Variants in TSGA10 observed in about 807,000 individuals in gnomAD.
TSGA10 encodes testis-specific gene 10 protein.
TSGA10 carries 43 observed loss-of-function variants against 96.6 expected under a neutral mutation model. The ratio of observed to expected loss-of-function variants is 0.44; its 90% confidence interval spans 0.35 to 0.57. TSGA10 has a LOEUF of 0.57. Among genes scored for constraint, TSGA10 ranks in the 20% least tolerant of loss-of-function variants. The pLI, the probability that TSGA10 is intolerant of heterozygous loss-of-function variation, is 0.01. For missense variants in TSGA10, 703 were observed against 834.4 expected (o/e 0.84, Z 1.94); for synonymous variants, 229 against 269.9 (o/e 0.85, Z 1.48).
At chr2:99,081,456 G>T in intron 10 of TSGA10, 59 bp from the exon 11 acceptor site, 1 of 899,346 alleles carries the variant, frequency 1.1e-6, no homozygotes, top group Admixed American at 2.7e-5. Flanking sequence ...ATCTTGTAGT[G>T]TGTTTAAATC....
chr2:99,063,441 G>A (rs1489671236), intron 16 of TSGA10, among the ~76,000 whole-genome samples: 1 of 152,120 alleles, frequency 6.6e-6, no homozygotes, highest in South Asian at 2.1e-4. Context: ...ACAAGCCACA[G>A]ACAAGGACAA....
chr2:99,009,838 G>T (rs1448142466), intron 20 of TSGA10, among the ~76,000 whole-genome samples: 1 of 152,306 alleles, frequency 6.6e-6, no homozygotes, highest in East Asian at 1.9e-4. Context: ...CTGTGAGTGT[G>T]TGTGCAAGTG....
At chr2:99,051,025 C>G (rs994005281) in intron 16 of TSGA10, among the ~76,000 whole-genome samples, 2 of 152,074 alleles carry the variant, frequency 1.3e-5, no homozygotes, top group Non-Finnish European at 2.9e-5. Flanking sequence ...TCCATATAGC[C>G]TAGGTGTTAG....
At chr2:99,136,009 C>CAA (rs56120844) in intron 1 of TSGA10, among the ~76,000 whole-genome samples, 1 of 125,764 alleles carries the variant, frequency 8.0e-6, no homozygotes, top group Admixed American at 8.6e-5. Context: ...GACTTCGTAC[C>CAA]AAAAAAAAAA....
chr2:99,141,058 C>A (rs1452629691), intron 1 of TSGA10: 3 of 1,272,574 alleles, frequency 2.4e-6, no homozygotes, highest in East Asian at 6.1e-5. Context: ...ACTCTCCCCA[C>A]CCCGCGCACC....
At chr2:99,130,894 G>T (rs2093045736) in intron 1 of TSGA10, among the ~76,000 whole-genome samples, 1 of 152,118 alleles carries the variant, frequency 6.6e-6, no homozygotes, top group Non-Finnish European at 1.5e-5. Flanking sequence ...TTTCCCCATT[G>T]CTTGTTTTTG....
chr2:99,001,405 G>A (rs891064232), intron 20 of TSGA10, among the ~76,000 whole-genome samples: 1 of 152,142 alleles, frequency 6.6e-6, no homozygotes, highest in Non-Finnish European at 1.5e-5. Flanking sequence ...CTGTTAGAAG[G>A]AAAACTAACA....
At chr2:99,098,167 G>A (rs2090272797) in intron 10 of TSGA10, among the ~76,000 whole-genome samples, 1 of 152,166 alleles carries the variant, frequency 6.6e-6, no homozygotes, top group Non-Finnish European at 1.5e-5. Context: ...GCCGGGCACG[G>A]TGGCTCACAC....
At chr2:99,027,968 T>G (rs1188773920) in intron 17 of TSGA10, among the ~76,000 whole-genome samples, 1 of 152,236 alleles carries the variant, frequency 6.6e-6, no homozygotes, top group African/African-American at 2.4e-5. Context: ...TTTGTCTGGA[T>G]TGTTTCTATG....
intron 1 of TSGA10, among the ~76,000 whole-genome samples, chr2:99,138,913 A>G (rs191218923): frequency 1.3e-5 from 2 of 152,192 alleles, no homozygotes; most frequent in African/African-American, 4.8e-5. Flanking sequence ...AGCTGAGGTA[A>G]TAAGAGGAAA....
intron 10 of TSGA10, among the ~76,000 whole-genome samples, chr2:99,096,416 T>A (rs1263269711): frequency 6.6e-6 from 1 of 152,256 alleles, no homozygotes; most frequent in Admixed American, 6.5e-5. Context: ...TTTGCCAATG[T>A]CACGTCTACT....
Position 99,117,461 on chromosome 2 carries a change from G to A in TSGA10, c.-140+83C>T, listed in dbSNP as rs533057356. The A allele has an allele frequency of 2.2e-5, 13 of 580,642 alleles. No individual in the cohort carries two copies. The South Asian group carries it at 8.4e-4, about 38-fold the overall frequency. 36.0% of individuals were successfully genotyped at this position (580,642 alleles called of 1,614,324 possible). ...AAAAGCTTCCAAATTATACAAATGA[G>A]AATGCTACTTTTTCCATTGCATTTA... On this transcript the variant is annotated intron_variant, in intron 4 of 20. Coordinates refer to ENST00000393483, the MANE Select transcript of TSGA10 (RefSeq NM_025244.4).
intron 2 of TSGA10, 79 bp downstream of exon 2, chr2:99,126,965 GTTAT>G (rs1180447019): frequency 8.6e-7 from 1 of 1,165,734 alleles, no homozygotes; most frequent in Non-Finnish European, 1.1e-6. Flanking sequence ...TGAATTAGTA[GTTAT>G]TTATTCTCTA....
At chr2:99,056,130 G>A (rs1170271980) in intron 16 of TSGA10, among the ~76,000 whole-genome samples, 3 of 151,226 alleles carry the variant, frequency 2.0e-5, no homozygotes, top group African/African-American at 4.9e-5. Context: ...GCGTGAACCC[G>A]GGAGGCAGCG....
chr2:99,100,038 TAG>T (rs1366433546), intron 10 of TSGA10, among the ~76,000 whole-genome samples: 1 of 152,078 alleles, frequency 6.6e-6, no homozygotes, highest in Non-Finnish European at 1.5e-5. Context: ...CTGAAAAATA[TAG>T]AGAGATATAC....
At chr2:99,065,819 G>C (rs1402213212) in intron 15 of TSGA10, among the ~76,000 whole-genome samples, 1 of 152,112 alleles carries the variant, frequency 6.6e-6, no homozygotes, top group African/African-American at 2.4e-5. Flanking sequence ...ATAAGAACCA[G>C]ATTTTTTGAA....
chr2:99,020,611 G>A, intron 17 of TSGA10, 129 bp from the exon 18 acceptor site: 1 of 635,234 alleles, frequency 1.6e-6, no homozygotes, highest in Non-Finnish European at 2.7e-6. Context: ...ATTTGAAATT[G>A]TGTCCCTCCT....
rs139961133 is a variant in TSGA10, at chr2:99,049,340, T to G, written c.1405-13901A>C. 5.8e-3 allele frequency among the ~76,000 whole-genome samples: 876 copies of G among 152,242 alleles called. 8 individuals are homozygous for G. Among genetic ancestry groups the G allele is most frequent in the Middle Eastern group, 0.041 (12 of 294 alleles). On this transcript the variant is annotated intron_variant, in intron 16 of 20. Coordinates refer to ENST00000393483, the MANE Select transcript of TSGA10 (RefSeq NM_025244.4). ...GACTTGGAACCAACTCAAATGTCCA[T>G]CAATGACAGACCGGATAAAGAAAAT...
At position 99,086,482 on chromosome 2, in the gene TSGA10, A is replaced by C. The variant is rs531016199; in HGVS notation, c.612-5085T>G. ...AACTCATCATATTAACAGACTGATA[A>C]AGAAATAATTATGATCATATCAACA... On this transcript the variant is annotated intron_variant, in intron 10 of 20. Transcript: ENST00000393483. Among the ~76,000 whole-genome samples the C allele has an allele frequency of 3.9e-5, 6 of 152,348 alleles. No homozygotes were observed. The East Asian group carries it at 1.2e-3, about 29-fold the overall frequency.
Sources: allele counts gnomAD v4.1 joint callset (sites outside exome capture counted in the v4.1 genomes callset), GRCh38; gene constraint gnomAD v4.1.1; transcripts MANE v1.5; gene names NCBI Gene and HGNC (gene_info 2026-07-23, HGNC 2026-07-21).